ABCB1: variants seen among roughly 807,000 people sequenced by gnomAD.
ABCB1 encodes ATP binding cassette subfamily B member 1, also known as ATP-dependent translocase ABCB1.
A neutral mutation model predicts 142.0 loss-of-function variants in ABCB1; 69 were observed. The observed-to-expected ratio is 0.49, with a 90% confidence interval of 0.40 to 0.59. The LOEUF (loss-of-function observed/expected upper bound fraction) is 0.59, where lower values mean the gene tolerates loss of function less well. Among genes scored for constraint, ABCB1 ranks in the 20% least tolerant of loss-of-function variants. The pLI, the probability that ABCB1 is intolerant of heterozygous loss-of-function variation, is 0.00. For missense variants in ABCB1, 1,326 were observed against 1,554.7 expected (o/e 0.85, Z 2.47); for synonymous variants, 532 against 539.2 (o/e 0.99, Z 0.18).
intron 1 of ABCB1, among the ~76,000 whole-genome samples, chr7:87,636,992 A>G (rs1821837152): frequency 6.6e-6 from 1 of 152,170 alleles, no homozygotes; most frequent in South Asian, 2.1e-4. Context: ...AGAACATGAG[A>G]ACCAAGCAAA....
At chr7:87,692,487 T>C (rs1032551804) in intron 1 of ABCB1, among the ~76,000 whole-genome samples, 2 of 152,086 alleles carry the variant, frequency 1.3e-5, no homozygotes, top group African/African-American at 2.4e-5. Flanking sequence ...ACCCTATAAA[T>C]TGAGTTTTGT....
chr7:87,641,002 A>G (rs1038973629), intron 1 of ABCB1, among the ~76,000 whole-genome samples: 2 of 152,100 alleles, frequency 1.3e-5, no homozygotes, highest in Non-Finnish European at 2.9e-5. Flanking sequence ...AGAATTTTGA[A>G]TTATCTTTAT....
chr7:87,699,854 A>G (rs1303839716), intron 1 of ABCB1, among the ~76,000 whole-genome samples: 1 of 152,244 alleles, frequency 6.6e-6, no homozygotes, highest in East Asian at 1.9e-4. Flanking sequence ...GGGGAGCTTT[A>G]TAGATGAGAA....
intron 4 of ABCB1, among the ~76,000 whole-genome samples, chr7:87,574,906 T>A (rs540357369): frequency 1.3e-5 from 2 of 152,240 alleles, no homozygotes; most frequent in Non-Finnish European, 2.9e-5. Flanking sequence ...TTTATCTTTA[T>A]ATATCCAGTG....
At chr7:87,548,270 G>A (rs1471823503) in intron 14 of ABCB1, among the ~76,000 whole-genome samples, 2 of 142,678 alleles carry the variant, frequency 1.4e-5, no homozygotes, top group Admixed American at 1.4e-4. Context: ...GGAAGGGAAA[G>A]GAAATGAAAG....
At chr7:87,530,830 CAAGAAAGCAAGAAAGAAAGAAAGA>C (rs1341377141) in intron 21 of ABCB1, among the ~76,000 whole-genome samples, 77 of 43,392 alleles carry the variant, frequency 1.8e-3, no homozygotes, top group African/African-American at 5.1e-3. Context: ...AGCAAGAAAG[CAAGAAAGCAAGAAAGAAAGAAAGA>C]AAGAAAGAAA....
At chr7:87,506,990 A>G (rs1373635939) in intron 26 of ABCB1, among the ~76,000 whole-genome samples, 1 of 152,130 alleles carries the variant, frequency 6.6e-6, no homozygotes, top group Admixed American at 6.5e-5. Flanking sequence ...ATGTGAGTGG[A>G]GGGTTTACTA....
intron 1 of ABCB1, among the ~76,000 whole-genome samples, chr7:87,654,293 A>G (rs974235559): frequency 1.8e-4 from 27 of 152,242 alleles, no homozygotes; most frequent in African/African-American, 6.0e-4. Flanking sequence ...GAGCAAAAAG[A>G]ACAAAGCTGG....
At chr7:87,532,646 A>G (rs1158832887) in intron 20 of ABCB1, among the ~76,000 whole-genome samples, 2 of 152,132 alleles carry the variant, frequency 1.3e-5, no homozygotes, top group African/African-American at 4.8e-5. Context: ...TTCCTAGGAA[A>G]CTCATGAATA....
intron 1 of ABCB1, among the ~76,000 whole-genome samples, chr7:87,619,643 G>A (rs888770948): frequency 2.0e-5 from 3 of 151,774 alleles, no homozygotes; most frequent in African/African-American, 7.3e-5. Flanking sequence ...AATATACTTG[G>A]CCAAATTTAT....
At chr7:87,708,485 G>T (rs1829798552) in intron 1 of ABCB1, among the ~76,000 whole-genome samples, 1 of 152,110 alleles carries the variant, frequency 6.6e-6, no homozygotes, top group South Asian at 2.1e-4. Context: ...TTTTGCTAAA[G>T]AAATGTAATC....
chr7:87,515,364 A>G lies in ABCB1; in HGVS notation c.3149T>C (p.Ile1050Thr). 1 of 1,614,120 alleles carries G rather than the reference A, an allele frequency of 6.2e-7. No homozygotes were observed. The highest frequency in any genetic ancestry group is 1.1e-5 in the South Asian group (1 of 91,080). Residue 1050 changes from isoleucine (I) to threonine (T), a missense_variant, in exon 25 of 28, where the codon ATC (isoleucine) becomes ACC (threonine). Physicochemically the swap from Ile to Thr is moderately conservative, Grantham distance 89. Transcript: ENST00000622132. ...VVFNYPTRPD[I>T]PVLQGLSLEV... Reference sequence around the variant, plus strand: ...CAGGCTCAGTCCCTGAAGCACTGGGATGTCCGGTCGGGTGGGATAGTTGAA... The same window carrying G: ...CAGGCTCAGTCCCTGAAGCACTGGGGTGTCCGGTCGGGTGGGATAGTTGAA...
chr7:87,574,412 A>T (rs1481539408), intron 4 of ABCB1, among the ~76,000 whole-genome samples: 1 of 152,174 alleles, frequency 6.6e-6, no homozygotes, highest in Non-Finnish European at 1.5e-5. Context: ...TTTACTGAAG[A>T]GGGACTCAAA....
At chr7:87,671,480 T>C (rs1261307216) in intron 1 of ABCB1, among the ~76,000 whole-genome samples, 1 of 152,106 alleles carries the variant, frequency 6.6e-6, no homozygotes, top group African/African-American at 2.4e-5. Flanking sequence ...CAATTTTCCA[T>C]AGGGCTGCTG....
chr7:87,628,042 G>A (rs911532915), intron 1 of ABCB1, among the ~76,000 whole-genome samples: 1 of 152,216 alleles, frequency 6.6e-6, no homozygotes, highest in Non-Finnish European at 1.5e-5. Flanking sequence ...GTGGGAGCCG[G>A]CGCGCTGCTT....
intron 2 of ABCB1, among the ~76,000 whole-genome samples, chr7:87,596,149 T>C (rs1201803828): frequency 6.6e-6 from 1 of 152,006 alleles, no homozygotes; most frequent in Non-Finnish European, 1.5e-5. Context: ...TGAAAAGAGT[T>C]CCCTGTTTTT....
At chr7:87,624,425 G>T (rs979793901) in intron 1 of ABCB1, among the ~76,000 whole-genome samples, 5 of 152,094 alleles carry the variant, frequency 3.3e-5, no homozygotes, top group African/African-American at 1.2e-4. Flanking sequence ...ACATTTTATA[G>T]TATTTTATAT....
chr7:87,555,438 A>G lies in ABCB1; in HGVS notation c.828-1506T>C, dbSNP rs564830811. Among the ~76,000 whole-genome samples the G allele has an allele frequency of 1.2e-3, 188 of 152,232 alleles. 10 individuals are homozygous for G. The highest frequency in any genetic ancestry group is 1.0e-3 in the Non-Finnish European group (68 of 68,022). On this transcript the variant is annotated intron_variant, in intron 8 of 27. Transcript: ENST00000622132. ...TAATTTCCTTTGGAGAACTTGTTCC[A>G]TTAGCATGTACAGCAGAGCTCAAGC... is the stretch of plus-strand genomic sequence containing the variant.
intron 1 of ABCB1, among the ~76,000 whole-genome samples, chr7:87,631,792 C>G (rs1026239751): frequency 2.0e-5 from 3 of 152,150 alleles, no homozygotes; most frequent in African/African-American, 7.2e-5. Context: ...TTGACTTTAT[C>G]ATTAACTAGT....
Sources: allele counts gnomAD v4.1 joint callset (sites outside exome capture counted in the v4.1 genomes callset), GRCh38; gene constraint gnomAD v4.1.1; transcripts MANE v1.5; gene names NCBI Gene and HGNC (gene_info 2026-07-23, HGNC 2026-07-21).